Variants in ZDHHC21 observed in about 807,000 individuals in gnomAD.
The protein encoded by ZDHHC21 is zDHHC palmitoyltransferase 21, also known as palmitoyltransferase ZDHHC21.
ZDHHC21 carries 15 observed loss-of-function variants against 34.6 expected under a neutral mutation model. The ratio of observed to expected loss-of-function variants is 0.43; its 90% CI spans 0.29 to 0.67. The LOEUF is 0.67. Among genes scored for constraint, ZDHHC21 ranks in the 30% least tolerant of loss-of-function variants. The probability of loss-of-function intolerance (pLI) is 0.14; values close to 1 mark genes in which losing one functional copy is unlikely to be tolerated. For missense variants in ZDHHC21, 344 were observed against 327.7 expected (o/e 1.05, Z -0.38); for synonymous variants, 142 against 101.8 (o/e 1.40, Z -2.38).
intron 8 of ZDHHC21, among the ~76,000 whole-genome samples, chr9:14,636,988 C>T (rs959877645): frequency 4.6e-5 from 7 of 151,762 alleles, no homozygotes; most frequent in Admixed American, 3.3e-4. Flanking sequence ...TGATGCACCT[C>T]AAGGAACCAG....
chr9:14,671,617 G>A (rs1835453920), intron 5 of ZDHHC21, among the ~76,000 whole-genome samples: 2 of 151,880 alleles, frequency 1.3e-5, no homozygotes, highest in South Asian at 4.2e-4. Flanking sequence ...TTTTTAACTT[G>A]AAAGAATTTC....
chr9:14,631,476 TTTC>T (rs749694655), intron 8 of ZDHHC21, among the ~76,000 whole-genome samples: 2 of 152,226 alleles, frequency 1.3e-5, no homozygotes, highest in South Asian at 4.1e-4. Flanking sequence ...GCTGCTTCAC[TTTC>T]TTATCATTTG....
chr9:14,611,602 A>C lies in ZDHHC21; in HGVS notation c.*7364T>G, dbSNP rs1823310710. 1 of 152,078 alleles carries C rather than the reference A, an allele frequency of 6.6e-6. No individual in the cohort carries two copies. The highest frequency in any genetic ancestry group is 1.5e-5 in the Non-Finnish European group (1 of 67,968). 9.4% of individuals were successfully genotyped at this position (152,078 alleles called of 1,614,324 possible). A position where few individuals can be genotyped will look rare whatever the true frequency, so the allele number is the denominator to read the frequency against. ...AACATACCACTATTAAAAGCATTTTAGGGATATAATACTAGACAGAACTTG... is the reference window on the plus strand; with the variant it reads ...AACATACCACTATTAAAAGCATTTTCGGGATATAATACTAGACAGAACTTG... On this transcript the variant is annotated 3_prime_UTR_variant, in exon 10 of 10. Transcript: ENST00000380916.
chr9:14,591,859 C>T, the ZDHHC21 span, among the ~76,000 whole-genome samples: 1 of 152,028 alleles, frequency 6.6e-6, no homozygotes, highest in Non-Finnish European at 1.5e-5. Context: ...TTGCCTGATA[C>T]CAAGGTAGCT....
Position 14,617,197 on chromosome 9 carries a change from A to G in ZDHHC21, c.*1769T>C, listed in dbSNP as rs1280770983. 1.3e-5 allele frequency: 2 copies of G among 151,982 alleles called. No homozygotes were observed. Among genetic ancestry groups the G allele is most frequent in the Non-Finnish European group, 1.5e-5 (1 of 67,910 alleles). The allele number at this position is 151,982 out of a possible 1,614,324, so 9.4% of individuals were successfully genotyped here. ...CCAAACCCTTGTGCCTGACATGAAC[A>G]TTCTAATTTTGTGTTTCACTAAGCT... On this transcript the variant is annotated 3_prime_UTR_variant, in exon 10 of 10. Transcript: ENST00000380916.
At chr9:14,650,057 T>C (rs995975459) in intron 7 of ZDHHC21, among the ~76,000 whole-genome samples, 2 of 152,050 alleles carry the variant, frequency 1.3e-5, no homozygotes, top group African/African-American at 2.4e-5. Flanking sequence ...TAACTGACTA[T>C]GGAAACATGT....
downstream of ZDHHC21, among the ~76,000 whole-genome samples, chr9:14,607,082 CAAAAAAAA>C (rs3081725): frequency 7.6e-6 from 1 of 131,732 alleles, no homozygotes; most frequent in Non-Finnish European, 1.6e-5. Context: ...TTACTAATAG[CAAAAAAAA>C]AAAAAAAAAA....
downstream of ZDHHC21, among the ~76,000 whole-genome samples, chr9:14,607,204 T>C (rs1014627312): frequency 7.2e-5 from 11 of 152,008 alleles, no homozygotes; most frequent in African/African-American, 2.4e-4. Flanking sequence ...ATCAAGCAGT[T>C]TGTGAGGCCA....
At chr9:14,673,395 G>A (rs1835824468) in intron 4 of ZDHHC21, among the ~76,000 whole-genome samples, 3 of 151,862 alleles carry the variant, frequency 2.0e-5, no homozygotes, top group Admixed American at 6.6e-5. Context: ...TGATTAGTTT[G>A]ATAATTAAGA....
chr9:14,676,872 G>A (rs10810211), intron 3 of ZDHHC21, among the ~76,000 whole-genome samples: 143,532 of 152,072 alleles, frequency 0.94, 67,821 homozygotes, highest in Middle Eastern at 0.98. Flanking sequence ...CTCTCTCAAC[G>A]TGTTCAATAT....
At chr9:14,680,466 C>T (rs923613913) in intron 2 of ZDHHC21, among the ~76,000 whole-genome samples, 1 of 152,100 alleles carries the variant, frequency 6.6e-6, no homozygotes, top group Non-Finnish European at 1.5e-5. Flanking sequence ...TCACACACTT[C>T]CTTGACCACA....
chr9:14,594,069 G>A, the ZDHHC21 span: 1 of 152,220 alleles, frequency 6.6e-6, no homozygotes, highest in South Asian at 2.1e-4. Context: ...AGCAAATAGA[G>A]GAAGTTTTCA....
At chr9:14,604,961 T>C in the ZDHHC21 span, among the ~76,000 whole-genome samples, 2 of 152,206 alleles carry the variant, frequency 1.3e-5, no homozygotes, top group Admixed American at 1.3e-4. Context: ...AATCATGCAG[T>C]ATTTGTCCTT....
chr9:14,648,253 T>C (rs1830616177), intron 7 of ZDHHC21, among the ~76,000 whole-genome samples: 1 of 152,150 alleles, frequency 6.6e-6, no homozygotes, highest in African/African-American at 2.4e-5. Flanking sequence ...TGGACGGTAT[T>C]TTAGCAGCCT....
rs1349092615 is a variant in ZDHHC21, at chr9:14,611,840, T to C, written c.*7126A>G. On this transcript the variant is annotated 3_prime_UTR_variant, in exon 10 of 10. Transcript: ENST00000380916. ...TCACTTGTCGGAATATCTCTGATTC[T>C]GGTGGAAGTTTTTACTTTTGTATCA... 6.6e-6 allele frequency: 1 copy of C among 152,078 alleles called. No homozygotes were observed. Among genetic ancestry groups the C allele is most frequent in the Non-Finnish European group, 1.5e-5 (1 of 67,956 alleles). The allele number at this position is 152,078 out of a possible 1,614,324, so 9.4% of individuals were successfully genotyped here. A position where few individuals can be genotyped will look rare whatever the true frequency, so the allele number is the denominator to read the frequency against.
At chr9:14,661,323 T>G (rs888514036) in intron 6 of ZDHHC21, among the ~76,000 whole-genome samples, 2 of 152,106 alleles carry the variant, frequency 1.3e-5, no homozygotes, top group Non-Finnish European at 2.9e-5. Flanking sequence ...AGACTAACAT[T>G]AGAAAAAGCT....
the ZDHHC21 span, among the ~76,000 whole-genome samples, chr9:14,592,926 C>G: frequency 6.6e-6 from 1 of 152,050 alleles, no homozygotes; most frequent in Admixed American, 6.6e-5. Context: ...CATGATCAAA[C>G]AACAGATCAA....
intron 6 of ZDHHC21, among the ~76,000 whole-genome samples, chr9:14,661,610 TTA>T (rs752059734): frequency 1.5e-4 from 23 of 152,160 alleles, no homozygotes; most frequent in Admixed American, 3.3e-4. Context: ...TTTTCGAAGA[TTA>T]TATTTCTCAA....
the ZDHHC21 span, chr9:14,589,211 C>T: frequency 6.6e-6 from 1 of 152,020 alleles, no homozygotes; most frequent in Non-Finnish European, 1.5e-5. Context: ...GAGATAAACA[C>T]ATAATGAAGA....
Sources: gnomAD v4.1 joint callset for allele counts (sites outside exome capture counted in the v4.1 genomes callset) on GRCh38, gnomAD v4.1.1 for gene constraint, MANE v1.5 for transcripts, NCBI Gene and HGNC (gene_info 2026-07-23, HGNC 2026-07-21) for gene names.